CTIF: variants seen among roughly 807,000 people sequenced by gnomAD.
The protein encoded by CTIF is CBP80/20-dependent translation initiation factor.
A neutral mutation model predicts 66.0 loss-of-function variants in CTIF; 21 were observed. The ratio of observed to expected loss-of-function variants is 0.32; its 90% CI spans 0.23 to 0.46. The LOEUF is 0.46. Ranked by LOEUF, CTIF falls within the 20% of genes least tolerant of loss-of-function variation. CTIF has a pLI of 1.00. For missense variants in CTIF, 739 were observed against 812.7 expected (o/e 0.91, Z 1.10); for synonymous variants, 345 against 326.4 (o/e 1.06, Z -0.62).
chr18:48,558,939 C>T (rs2089085272), intron 1 of CTIF, among the ~76,000 whole-genome samples: 1 of 152,146 alleles, frequency 6.6e-6, no homozygotes, highest in Non-Finnish European at 1.5e-5. Flanking sequence ...TACTGGAAAA[C>T]CTGATAAGCG....
At chr18:48,627,112 C>T (rs1252695654) in intron 2 of CTIF, among the ~76,000 whole-genome samples, 1 of 152,182 alleles carries the variant, frequency 6.6e-6, no homozygotes, top group Non-Finnish European at 1.5e-5. Context: ...GTACTTCTAG[C>T]ATACATGTAA....
At chr18:48,768,905 C>T (rs1317911032) in intron 9 of CTIF, among the ~76,000 whole-genome samples, 1 of 151,954 alleles carries the variant, frequency 6.6e-6, no homozygotes, top group African/African-American at 2.4e-5. Context: ...CTCTAAAAAA[C>T]AAAAAAGAAT....
chr18:48,718,758 G>C (rs143404460), intron 7 of CTIF, among the ~76,000 whole-genome samples: 291 of 152,322 alleles, frequency 1.9e-3, no homozygotes, highest in African/African-American at 6.8e-3. Flanking sequence ...CAGTCAGGTT[G>C]ACATGAAATT....
Position 48,735,089 on chromosome 18 carries a change from TTG to T in CTIF, c.585-22825_585-22824del, listed in dbSNP as rs757956310. Among the ~76,000 whole-genome samples the T allele has an allele frequency of 2.9e-5, 4 of 138,176 alleles. No homozygotes were observed. The East Asian group carries it at 6.0e-4, about 21-fold the overall frequency. The allele number at this position is 138,176 out of a possible 152,430, so 90.6% of individuals were successfully genotyped here. ...ATGCATATGTGCATGTATGTCCAGT[TTG>T]TGTGCGTGTGTGTGTGTGTGTGTGT... On this transcript the variant is annotated intron_variant, in intron 7 of 11. Coordinates refer to ENST00000256413, the MANE Select transcript of CTIF (RefSeq NM_014772.3).
At chr18:48,678,065 C>G (rs1000739135) in intron 6 of CTIF, among the ~76,000 whole-genome samples, 8 of 152,180 alleles carry the variant, frequency 5.3e-5, no homozygotes, top group Admixed American at 2.0e-4. Flanking sequence ...CCTCTGGTAC[C>G]TCTTTCTAAG....
intron 1 of CTIF, among the ~76,000 whole-genome samples, chr18:48,547,707 G>A (rs549908039): frequency 4.1e-4 from 62 of 152,310 alleles, no homozygotes; most frequent in Non-Finnish European, 7.5e-4. Flanking sequence ...TCTGCTGGAA[G>A]GGCCTCCATT....
chr18:48,747,804 G>T (rs1018715286), intron 7 of CTIF, among the ~76,000 whole-genome samples: 1 of 151,324 alleles, frequency 6.6e-6, no homozygotes, highest in South Asian at 2.1e-4. Context: ...TGTAGTCCTC[G>T]CTACTTGGGA....
rs73956952 is a variant in CTIF, at chr18:48,609,853, T to C, written c.-28-9685T>C. 5.3e-3 allele frequency among the ~76,000 whole-genome samples: 809 copies of C among 152,298 alleles called. 9 individuals carry two copies. The highest frequency in any genetic ancestry group is 0.018 in the African/African-American group (761 of 41,566). On this transcript the variant is annotated intron_variant, in intron 1 of 11. Transcript: ENST00000256413. ...GTCTCGAGGAGGCTCTTGAATGTCA[T>C]GGGAAGAGGTTTGGAGTCCTGGTTC...
At chr18:48,819,715 AATCACCT>A (rs1440980179) in intron 10 of CTIF, among the ~76,000 whole-genome samples, 1 of 152,204 alleles carries the variant, frequency 6.6e-6, no homozygotes, top group Non-Finnish European at 1.5e-5. Flanking sequence ...AGAATAAATA[AATCACCT>A]ATGGTCTTCT....
intron 9 of CTIF, among the ~76,000 whole-genome samples, chr18:48,794,187 C>G (rs2146162148): frequency 6.6e-6 from 1 of 152,336 alleles, no homozygotes; most frequent in East Asian, 1.9e-4. Context: ...TGCTCTCTGC[C>G]CATTCCTCCT....
intron 9 of CTIF, among the ~76,000 whole-genome samples, chr18:48,783,259 G>A (rs12606981): frequency 0.099 from 15,084 of 152,232 alleles, 1,107 homozygotes; most frequent in East Asian, 0.37. Context: ...GGTCTACATT[G>A]CACCAGCACG....
intron 2 of CTIF, among the ~76,000 whole-genome samples, chr18:48,622,813 G>T (rs1341106708): frequency 6.6e-6 from 1 of 152,184 alleles, no homozygotes; most frequent in African/African-American, 2.4e-5. Context: ...AGGGCCTGTG[G>T]ATGGGCATAT....
At chr18:48,641,924 A>C (rs752182136) in intron 3 of CTIF, among the ~76,000 whole-genome samples, 1 of 152,280 alleles carries the variant, frequency 6.6e-6, no homozygotes, top group South Asian at 2.1e-4. Context: ...CCTCAAATAC[A>C]CTAATTACCT....
intron 9 of CTIF, among the ~76,000 whole-genome samples, chr18:48,792,037 G>A (rs1461994838): frequency 2.0e-5 from 3 of 152,232 alleles, no homozygotes; most frequent in South Asian, 2.1e-4. Context: ...ACATTCTAGC[G>A]AGGAGGGGAT....
intron 6 of CTIF, among the ~76,000 whole-genome samples, chr18:48,671,716 C>A (rs528507832): frequency 8.0e-4 from 122 of 151,770 alleles, no homozygotes; most frequent in Middle Eastern, 3.4e-3. Flanking sequence ...AGCCACGATT[C>A]CTCCTACTTT....
intron 10 of CTIF, among the ~76,000 whole-genome samples, chr18:48,828,478 A>C (rs2068627147): frequency 6.6e-6 from 1 of 152,188 alleles, no homozygotes; most frequent in Non-Finnish European, 1.5e-5. Flanking sequence ...ACCCCCAGTG[A>C]AATCTTCCTT....
chr18:48,584,904 A>T (rs2089733741), intron 1 of CTIF, among the ~76,000 whole-genome samples: 1 of 152,250 alleles, frequency 6.6e-6, no homozygotes, highest in South Asian at 2.1e-4. Flanking sequence ...AGCCTGAGGG[A>T]TTTTGACAAA....
rs536267289 is a variant in CTIF, at chr18:48,788,075, AC to A, written c.1371+26393del. 2.1e-3 allele frequency among the ~76,000 whole-genome samples: 321 copies of A among 151,292 alleles called. 1 individual carries two copies. Among genetic ancestry groups the A allele is most frequent in the African/African-American group, 7.6e-3 (313 of 41,114 alleles). On this transcript the variant is annotated intron_variant, in intron 9 of 11. Coordinates refer to ENST00000256413, the MANE Select transcript of CTIF (RefSeq NM_014772.3). Reference sequence around the variant, plus strand: ...GCAGCTTTGCTGACCTTGAGCTGGGACCCCCCCTTTCAGAGTCTCCCAGTGA... The same window carrying A: ...GCAGCTTTGCTGACCTTGAGCTGGGACCCCCCTTTCAGAGTCTCCCAGTGA...
At chr18:48,703,710 C>T (rs188519216) in intron 6 of CTIF, among the ~76,000 whole-genome samples, 14 of 152,232 alleles carry the variant, frequency 9.2e-5, no homozygotes, top group Admixed American at 6.5e-4. Context: ...TTGAGCTCTG[C>T]GGGGCACTTC....
Sources: gnomAD v4.1 joint callset for allele counts (sites outside exome capture counted in the v4.1 genomes callset) on GRCh38, gnomAD v4.1.1 for gene constraint, MANE v1.5 for transcripts, NCBI Gene and HGNC (gene_info 2026-07-23, HGNC 2026-07-21) for gene names.